The following C4orf54 variants were observed in gnomAD, a reference collection of about 807,000 sequenced individuals.
C4orf54 encodes the protein uncharacterized protein C4orf54.
In C4orf54, 67 loss-of-function variants were observed where a neutral mutation model predicts 80.1. The observed-to-expected ratio is 0.84, with a 90% CI of 0.69 to 1.03. C4orf54 has a LOEUF of 1.03. Ranked by LOEUF, C4orf54 falls within the 50% of genes least tolerant of loss-of-function variation. The pLI is 0.00. For synonymous variants in C4orf54, 1,000 were observed against 917.0 expected (o/e 1.09, Z -1.64); for missense variants, 2,434 against 2,253.5 (o/e 1.08, Z -1.62).
At chr4:99,655,258 AC>A (rs1726960677) in intron 1 of C4orf54, among the ~76,000 whole-genome samples, 1 of 152,162 alleles carries the variant, frequency 6.6e-6, no homozygotes, top group South Asian at 2.1e-4. Flanking sequence ...ATTTTCAAAG[AC>A]CTAAACTTAA....
chr4:99,655,739 A>AC (rs1255240623), intron 1 of C4orf54, among the ~76,000 whole-genome samples: 2 of 152,182 alleles, frequency 1.3e-5, no homozygotes, highest in African/African-American at 4.8e-5. Flanking sequence ...TCGGTGGAGA[A>AC]CCATGATGCT....
chr4:99,653,234 C>T lies in C4orf54; in HGVS notation c.1415G>A (p.Gly472Asp), dbSNP rs1726893125. 3.9e-6 allele frequency: 6 copies of T among 1,533,564 alleles called. No homozygotes were observed. The highest frequency in any genetic ancestry group is 4.4e-6 in the Non-Finnish European group (5 of 1,145,214). 95.0% of individuals were successfully genotyped at this position (1,533,564 alleles called of 1,614,324 possible). Residue 472 changes from glycine (G) to aspartate (D), a missense_variant, in exon 2 of 3, where the codon GGC becomes GAC. Coordinates refer to ENST00000511828, the MANE Select transcript of C4orf54 (RefSeq NM_001354435.2). Reference protein sequence around the residue: ...RDTSSTEVGSGPSDSGPTPPP... With the variant: ...RDTSSTEVGSDPSDSGPTPPP... ...GGGAGTGGGGCCACTGTCAGAGGGG[C>T]CACTGCCCACTTCGGTGCTGCTGGT...
Position 99,650,448 on chromosome 4 carries a change from T to C in C4orf54, c.4201A>G (p.Ser1401Gly). Residue 1401 changes from serine to glycine, a missense_variant, in exon 2 of 3, where the codon AGT becomes GGT. By Grantham distance (56) the Ser-to-Gly change is moderately conservative (BLOSUM62 0). Transcript: ENST00000511828. ...LPSNRNVFTV[S>G]ASSIQKTGGV... ...CCAGTTTTCTGGATGCTGCTGGCAC[T>C]CACTGTGAACACGTTCCGGTTGCTG... 3 of 1,536,070 alleles carry C rather than the reference T, an allele frequency of 2.0e-6. No individual in the cohort carries two copies. Among genetic ancestry groups the C allele is most frequent in the Non-Finnish European group, 2.6e-6 (3 of 1,146,880 alleles).
In C4orf54 at chr4:99,638,323, G is replaced by A. The variant is rs374166255; in HGVS notation, c.*2910C>T. 6.6e-5 allele frequency: 10 copies of A among 152,056 alleles called. No individual in the cohort carries two copies. The highest frequency in any genetic ancestry group is 3.9e-4 in the East Asian group (2 of 5,192). The allele number at this position is 152,056 out of a possible 1,614,324, so 9.4% of individuals were successfully genotyped here. Reference sequence around the variant, plus strand: ...ACTTTTTAAAAACATACATTCTGGCGAATTAAATTTTTATACGGTTACACA... The same window carrying A: ...ACTTTTTAAAAACATACATTCTGGCAAATTAAATTTTTATACGGTTACACA... On this transcript the variant is annotated 3_prime_UTR_variant, in exon 3 of 3. Coordinates refer to ENST00000511828, the MANE Select transcript of C4orf54 (RefSeq NM_001354435.2).
intron 1 of C4orf54, among the ~76,000 whole-genome samples, chr4:99,655,824 A>G (rs1157053822): frequency 1.3e-5 from 2 of 152,198 alleles, no homozygotes; most frequent in African/African-American, 4.8e-5. Context: ...TGTGTCACTT[A>G]TGCCGATTGA....
chr4:99,650,584 C>T lies in C4orf54; in HGVS notation c.4065G>A (p.Arg1355=), dbSNP rs1337408047. The change falls in exon 2 of 3, where the codon AGG becomes AGA. Residue 1355 remains arginine, a synonymous_variant. Transcript: ENST00000511828. The stretch of plus-strand genomic sequence containing the variant: ...TGGCCAGGTTCTCAAAGGCCGCTGC[C>T]CTGGCAGACACACTCTCAGCGCTGG... ...SNPSAESVSA[R]AAAFENLARE... 1.6e-5 allele frequency: 25 copies of T among 1,536,044 alleles called. No individual in the cohort carries two copies. Among genetic ancestry groups the T allele is most frequent in the Non-Finnish European group, 2.1e-5 (24 of 1,146,890 alleles).
At chr4:99,648,200 C>A (rs545301301) in intron 2 of C4orf54, among the ~76,000 whole-genome samples, 1 of 152,252 alleles carries the variant, frequency 6.6e-6, no homozygotes, top group Non-Finnish European at 1.5e-5. Context: ...ACGCTCCTAT[C>A]TGAAGGTGTC....
chr4:99,645,375 AAC>A, intron 2 of C4orf54, among the ~76,000 whole-genome samples: 1 of 149,998 alleles, frequency 6.7e-6, no homozygotes, highest in African/African-American at 2.5e-5. Flanking sequence ...AGCAACATGA[AAC>A]ACAGGGAGAA....
In C4orf54 at chr4:99,637,907, A is replaced by C. The variant is rs1726536282; in HGVS notation, c.*3326T>G. 1 of 152,172 alleles carries C rather than the reference A, an allele frequency of 6.6e-6. No individual in the cohort carries two copies. The highest frequency in any genetic ancestry group is 2.4e-5 in the African/African-American group (1 of 41,448). The allele number at this position is 152,172 out of a possible 1,614,324, so 9.4% of individuals were successfully genotyped here. A position where few individuals can be genotyped will look rare whatever the true frequency, so the allele number is the denominator to read the frequency against. ...CATGCACATATACATACTTATCATGAGATTATAGTCAATCTACTTAGGAAT... is the reference window on the plus strand; with the variant it reads ...CATGCACATATACATACTTATCATGCGATTATAGTCAATCTACTTAGGAAT... On this transcript the variant is annotated 3_prime_UTR_variant, in exon 3 of 3. Transcript: ENST00000511828.
At position 99,651,848 on chromosome 4, in the gene C4orf54, C is replaced by T; in HGVS notation, c.2801G>A (p.Gly934Asp). 1 of 1,536,118 alleles carries T rather than the reference C, an allele frequency of 6.5e-7. No homozygotes were observed. The highest frequency in any genetic ancestry group is 1.4e-5 in the African/African-American group (1 of 73,150). The change falls in exon 2 of 3, where the codon GGC becomes GAC. Residue 934 changes from glycine to aspartate, a missense_variant. Physicochemically the swap from Gly to Asp is moderately conservative, Grantham distance 94. Coordinates refer to ENST00000511828, the MANE Select transcript of C4orf54 (RefSeq NM_001354435.2). ...IKKSASETVK[G>D]IFLRSQNSAF... ...ACTGTTCTGACTACGGAGGAAGATG[C>T]CCTTGACGGTCTCTGAGGCACTCTT...
rs139488920 is a variant in C4orf54 at position 99,646,075 on chromosome 4, A to T, written c.*36+3156T>A. On this transcript the variant is annotated intron_variant, in intron 2 of 2. Transcript: ENST00000511828. ...TTTATAAGAGAATAATCAGAAAAAG[A>T]TAACAGCAGCTGTTTATGTCCAAAT... 9.7e-3 allele frequency among the ~76,000 whole-genome samples: 1,471 copies of T among 152,322 alleles called. 61 individuals are homozygous for T. The highest frequency in any genetic ancestry group is 0.084 in the East Asian group (434 of 5,184).
rs1471445565 is a variant in C4orf54, at chr4:99,652,798, G to T, written c.1851C>A (p.Asp617Glu). 2 of 1,536,114 alleles carry T rather than the reference G, an allele frequency of 1.3e-6. No individual in the cohort carries two copies. The highest frequency in any genetic ancestry group is 2.4e-5 in the East Asian group (1 of 40,894). Reference sequence around the variant, plus strand: ...GGTTACGCACCTCTTTGTCCGCATCGTCCAGTTCGCTCACGGCACTGGAGG... The same window carrying T: ...GGTTACGCACCTCTTTGTCCGCATCTTCCAGTTCGCTCACGGCACTGGAGG... Reference protein sequence around the residue: ...SGASSAVSELDDADKEVRNLT... With the variant: ...SGASSAVSELEDADKEVRNLT... Residue 617 changes from aspartate (D) to glutamate (E), a missense_variant, in exon 2 of 3, where the codon GAC becomes GAA. Transcript: ENST00000511828.
Position 99,653,249 on chromosome 4 carries a change from G to T in C4orf54, c.1400C>A (p.Thr467Asn), listed in dbSNP as rs1198086918. Residue 467 changes from threonine (T) to asparagine (N), a missense_variant, in exon 2 of 3, where the codon ACC (threonine) becomes AAC (asparagine). Transcript: ENST00000511828. ...GTCAGAGGGGCCACTGCCCACTTCGGTGCTGCTGGTGTCGCGGCCACTGCG... is the reference window on the plus strand; with the variant it reads ...GTCAGAGGGGCCACTGCCCACTTCGTTGCTGCTGGTGTCGCGGCCACTGCG... ...AGRSGRDTSS[T>N]EVGSGPSDSG... The T allele has an allele frequency of 6.5e-7, 1 of 1,531,960 alleles. No homozygotes were observed. 94.9% of individuals were successfully genotyped at this position (1,531,960 alleles called of 1,614,324 possible).
At position 99,649,942 on chromosome 4, in the gene C4orf54, T is replaced by C; in HGVS notation, c.4707A>G (p.Leu1569=). Residue 1569 remains leucine, a synonymous_variant, in exon 2 of 3, where the codon CTA becomes CTG. Transcript: ENST00000511828. ...AGAGGACCTGAGGCTGGGCCCCCTG[T>C]AGGGTGAAGGGCAGCGGCGGCTGGT... ...IYHQPPLPFT[L]QGAQPQVLCF... The C allele has an allele frequency of 1.3e-6, 2 of 1,530,740 alleles. No homozygotes were observed. Among genetic ancestry groups the C allele is most frequent in the East Asian group, 2.5e-5 (1 of 40,744 alleles). The allele number at this position is 1,530,740 out of a possible 1,614,324, so 94.8% of individuals were successfully genotyped here.
chr4:99,653,158 G>C lies in C4orf54; in HGVS notation c.1491C>G (p.Thr497=). The change falls in exon 2 of 3, where the codon ACC becomes ACG. Residue 497 remains threonine (T), a synonymous_variant. Coordinates refer to ENST00000511828, the MANE Select transcript of C4orf54 (RefSeq NM_001354435.2). ...TAPLTEPLPE[T]PEAASGAAAA... is the part of the protein sequence containing the mutation. ...CTGCTGCCCCTGAAGCTGCCTCCGGGGTCTCAGGCAAGGGCTCAGTCAGGG... is the reference window on the plus strand; with the variant it reads ...CTGCTGCCCCTGAAGCTGCCTCCGGCGTCTCAGGCAAGGGCTCAGTCAGGG... 7.2e-6 allele frequency: 11 copies of C among 1,536,140 alleles called. No homozygotes were observed. Among genetic ancestry groups the C allele is most frequent in the Non-Finnish European group, 9.6e-6 (11 of 1,146,900 alleles).
chr4:99,651,358 C>G lies in C4orf54; in HGVS notation c.3291G>C (p.Lys1097Asn). Residue 1097 changes from lysine to asparagine, a missense_variant, in exon 2 of 3, where the codon AAG becomes AAC. Transcript: ENST00000511828. Reference sequence around the variant, plus strand: ...TCACCTGGTGGAGGGGGCCTTGAGCCTTGGACTTGTCTCTGATGTCTCTCA... The same window carrying G: ...TCACCTGGTGGAGGGGGCCTTGAGCGTTGGACTTGTCTCTGATGTCTCTCA... ...FQVRDIRDKS[K>N]AQGPLHQVRD... 6.5e-7 allele frequency: 1 copy of G among 1,536,174 alleles called. No homozygotes were observed.
In C4orf54 at chr4:99,650,360, A is replaced by G. The variant is rs754837437; in HGVS notation, c.4289T>C (p.Ile1430Thr). 23 of 1,535,908 alleles carry G rather than the reference A, an allele frequency of 1.5e-5. No individual in the cohort carries two copies. The Middle Eastern group carries it at 1.7e-3, about 111-fold the overall frequency. The change falls in exon 2 of 3, where the codon ATC (isoleucine) becomes ACC (threonine). Residue 1430 changes from isoleucine (I) to threonine (T), a missense_variant. Physicochemically the swap from Ile to Thr is moderately conservative, Grantham distance 89. Coordinates refer to ENST00000511828, the MANE Select transcript of C4orf54 (RefSeq NM_001354435.2). ...GAGGGACCGGAGTCCCTGCGACTTG[A>G]TGCCCTTAGCTGCTGAAGGACTCTC... ...SPESPSAAKG[I>T]KSQGLRSLKI...
At chr4:99,643,775 CACACACACACACACA>C (rs1726645946) in intron 2 of C4orf54, among the ~76,000 whole-genome samples, 1 of 142,510 alleles carries the variant, frequency 7.0e-6, no homozygotes, top group Non-Finnish European at 1.5e-5. Context: ...CACACACACA[CACACACACACACACA>C]CACCCCCTCC....
At chr4:99,646,055 A>G (rs146341996) in intron 2 of C4orf54, among the ~76,000 whole-genome samples, 134 of 152,344 alleles carry the variant, frequency 8.8e-4, no homozygotes, top group African/African-American at 3.0e-3. Context: ...GAACATTTAT[A>G]AGAGAATAAT....
Sources: gnomAD v4.1 joint callset for allele counts (sites outside exome capture counted in the v4.1 genomes callset) on GRCh38, gnomAD v4.1.1 for gene constraint, MANE v1.5 for transcripts, NCBI Gene and HGNC (gene_info 2026-07-23, HGNC 2026-07-21) for gene names.